The following MYO3B variants were observed in gnomAD, a reference collection of about 807,000 sequenced individuals.
MYO3B encodes myosin IIIB.
In MYO3B, 156 loss-of-function variants were observed where a neutral mutation model predicts 174.6. That is an observed-to-expected ratio of 0.89 (90% CI 0.78 to 1.02). The LOEUF is 1.02. MYO3B is among the 50% of genes least tolerant of loss of function. The pLI is 0.00. For missense variants in MYO3B, 1,632 were observed against 1,639.4 expected, an observed-to-expected ratio of 1.00 and a Z score of 0.08; for synonymous variants, 563 against 569.1, an observed-to-expected ratio of 0.99 and a Z score of 0.15.
chr2:170,499,829 A>G (rs1687122956), intron 27 of MYO3B, 21 bp downstream of exon 27: 1 of 1,612,222 alleles, frequency 6.2e-7, no homozygotes, highest in African/African-American at 1.3e-5. Flanking sequence ...CTGTTCTCAT[A>G]AATACTGCCC....
rs758693000 is a variant in MYO3B, at chr2:170,383,737, C to A, written c.1213C>A (p.Arg405Ser). The A allele has an allele frequency of 2.5e-6, 4 of 1,613,440 alleles. No homozygotes were observed. The highest frequency in any genetic ancestry group is 1.1e-5 in the South Asian group (1 of 91,078). The part of the protein sequence containing the change: ...QFSRLYHGVK[R>S]ASNPPHIFAS... ...TTCCAGACTTTATCATGGGGTGAAA[C>A]GCGCCTCCAATCCCCCCCACATATT... The change falls in exon 12 of 35, where the codon CGC (arginine) becomes AGC (serine). Residue 405 changes from arginine to serine, a missense_variant. Physicochemically the swap from Arg to Ser is moderately radical, Grantham distance 110 (BLOSUM62 -1). Transcript: ENST00000408978.
At chr2:170,463,970 C>A (rs1684462103) in intron 24 of MYO3B, among the ~76,000 whole-genome samples, 1 of 152,152 alleles carries the variant, frequency 6.6e-6, no homozygotes, top group Non-Finnish European at 1.5e-5. Context: ...TACACTCTTG[C>A]ACAGATTTGT....
intron 7 of MYO3B, among the ~76,000 whole-genome samples, chr2:170,283,768 G>A (rs1035280010): frequency 6.6e-6 from 1 of 152,210 alleles, no homozygotes; most frequent in Non-Finnish European, 1.5e-5. Flanking sequence ...ACCTCTGGTT[G>A]AAATTGGCAG....
At chr2:170,216,087 T>C (rs187186075) in intron 5 of MYO3B, among the ~76,000 whole-genome samples, 7 of 152,324 alleles carry the variant, frequency 4.6e-5, no homozygotes, top group Admixed American at 3.3e-4. Context: ...AAATAGACTT[T>C]AAAGAGCTTC....
chr2:170,398,840 C>T (rs935031114), intron 16 of MYO3B, among the ~76,000 whole-genome samples: 1 of 152,094 alleles, frequency 6.6e-6, no homozygotes, highest in African/African-American at 2.4e-5. Flanking sequence ...AAAAGTCAGC[C>T]CTCTGTATAT....
At chr2:170,501,147 C>T in intron 27 of MYO3B, among the ~76,000 whole-genome samples, 1 of 152,110 alleles carries the variant, frequency 6.6e-6, no homozygotes, top group East Asian at 1.9e-4. Flanking sequence ...ATCTAAAGGG[C>T]TTACCACCTT....
At chr2:170,429,415 G>A (rs1364786747) in intron 22 of MYO3B, among the ~76,000 whole-genome samples, 1 of 152,182 alleles carries the variant, frequency 6.6e-6, no homozygotes, top group Non-Finnish European at 1.5e-5. Context: ...AGCAGAACAA[G>A]CTTTTGTTCC....
At chr2:170,301,294 T>C (rs919910733) in intron 7 of MYO3B, among the ~76,000 whole-genome samples, 11 of 152,192 alleles carry the variant, frequency 7.2e-5, no homozygotes, top group Admixed American at 5.2e-4. Flanking sequence ...TAAACTTACA[T>C]AAGTAACTGA....
chr2:170,363,139 T>C (rs13002299), intron 8 of MYO3B, among the ~76,000 whole-genome samples: 69,207 of 151,848 alleles, frequency 0.46, 18,786 homozygotes, highest in Admixed American at 0.62. Context: ...TCTGTAGCAA[T>C]GGGAACACAT....
chr2:170,599,821 C>T (rs73030734), intron 32 of MYO3B, among the ~76,000 whole-genome samples: 4,223 of 152,218 alleles, frequency 0.028, 152 homozygotes, highest in African/African-American at 0.086. Context: ...TAGTCTCAGG[C>T]TTAGAAAAAT....
chr2:170,547,716 C>T (rs1690620109), intron 32 of MYO3B, among the ~76,000 whole-genome samples: 1 of 152,166 alleles, frequency 6.6e-6, no homozygotes, highest in Non-Finnish European at 1.5e-5. Flanking sequence ...ACAAAATAAT[C>T]ATGCACTTGG....
intron 32 of MYO3B, among the ~76,000 whole-genome samples, chr2:170,561,732 T>A (rs2106254032): frequency 6.6e-6 from 1 of 152,374 alleles, no homozygotes; most frequent in South Asian, 2.1e-4. Context: ...AGATTGCTCT[T>A]TTTTGGTTAG....
intron 32 of MYO3B, among the ~76,000 whole-genome samples, chr2:170,632,798 G>GCATATCACCA (rs1360668892): frequency 6.6e-6 from 1 of 150,840 alleles, no homozygotes; most frequent in Admixed American, 6.6e-5. Context: ...ATGATAAACG[G>GCATATCACCA]CATATCACCA....
At chr2:170,260,780 A>G (rs770211340) in intron 7 of MYO3B, among the ~76,000 whole-genome samples, 1 of 152,214 alleles carries the variant, frequency 6.6e-6, no homozygotes, top group Non-Finnish European at 1.5e-5. Context: ...TAAAAACCAA[A>G]TTGGAATGGG....
chr2:170,284,899 A>G (rs191380470), intron 7 of MYO3B, among the ~76,000 whole-genome samples: 26 of 152,322 alleles, frequency 1.7e-4, no homozygotes, highest in Admixed American at 1.4e-3. Context: ...GCATATGCAT[A>G]TATTTATAAT....
intron 30 of MYO3B, among the ~76,000 whole-genome samples, chr2:170,531,177 G>A (rs1056994376): frequency 1.3e-5 from 2 of 152,190 alleles, no homozygotes; most frequent in Non-Finnish European, 2.9e-5. Context: ...AGCAGGTTAG[G>A]GAAGTACCTG....
intron 32 of MYO3B, among the ~76,000 whole-genome samples, chr2:170,617,697 A>C (rs1170114906): frequency 6.6e-6 from 1 of 152,204 alleles, no homozygotes; most frequent in African/African-American, 2.4e-5. Context: ...AAGGAGTTAA[A>C]TCTACGATAT....
chr2:170,548,971 T>C (rs903307109), intron 32 of MYO3B, among the ~76,000 whole-genome samples: 1 of 152,234 alleles, frequency 6.6e-6, no homozygotes, highest in Non-Finnish European at 1.5e-5. Context: ...TCATCTTTGC[T>C]ATGGTCTAAA....
intron 15 of MYO3B, among the ~76,000 whole-genome samples, chr2:170,392,093 A>C (rs2094415716): frequency 6.8e-6 from 1 of 146,416 alleles, no homozygotes; most frequent in African/African-American, 2.5e-5. Flanking sequence ...ACTGCGCTCC[A>C]GCCTGGGTGA....
Sources: gnomAD v4.1 joint callset for allele counts (sites outside exome capture counted in the v4.1 genomes callset) on GRCh38, gnomAD v4.1.1 for gene constraint, MANE v1.5 for transcripts, NCBI Gene and HGNC (gene_info 2026-07-23, HGNC 2026-07-21) for gene names.